The following WDR7 variants were observed in gnomAD, a reference collection of about 807,000 sequenced individuals.
WDR7 encodes the protein WD repeat-containing protein 7.
WDR7 carries 46 observed loss-of-function variants against 169.4 expected under a neutral mutation model. The ratio of observed to expected loss-of-function variants is 0.27; its 90% CI spans 0.21 to 0.35. The LOEUF (loss-of-function observed/expected upper bound fraction) is 0.35, where lower values mean the gene tolerates loss of function less well. WDR7 is among the 10% of genes least tolerant of loss of function. The pLI is 1.00. For missense variants in WDR7, 1,534 were observed against 1,859.3 expected, an observed-to-expected ratio of 0.83 and a Z score of 3.22; for synonymous variants, 612 against 666.8, an observed-to-expected ratio of 0.92 and a Z score of 1.27.
At chr18:56,711,797 G>A (rs2026091682) in intron 12 of WDR7, among the ~76,000 whole-genome samples, 1 of 151,872 alleles carries the variant, frequency 6.6e-6, no homozygotes, top group Non-Finnish European at 1.5e-5. Context: ...TTCATAGGCT[G>A]TTTTTTCCCC....
At chr18:56,879,766 G>C (rs746603878) in intron 20 of WDR7, among the ~76,000 whole-genome samples, 178 bp from the exon 21 acceptor site, 4 of 151,558 alleles carry the variant, frequency 2.6e-5, no homozygotes, top group Admixed American at 6.6e-5. Flanking sequence ...TTTTTTGGAA[G>C]GTTAGAGATA....
intron 26 of WDR7, among the ~76,000 whole-genome samples, chr18:56,972,778 A>G (rs1338726785): frequency 2.0e-5 from 3 of 152,192 alleles, no homozygotes; most frequent in African/African-American, 7.2e-5. Context: ...AATAGTTTTA[A>G]CTGACCGTGT....
intron 21 of WDR7, among the ~76,000 whole-genome samples, chr18:56,886,426 A>G (rs1382543628): frequency 6.6e-6 from 1 of 152,230 alleles, no homozygotes; most frequent in African/African-American, 2.4e-5. Flanking sequence ...TCAGACAAAC[A>G]AATGCTAAGA....
intron 26 of WDR7, among the ~76,000 whole-genome samples, chr18:57,000,589 A>G (rs1180518061): frequency 6.6e-6 from 1 of 152,190 alleles, no homozygotes; most frequent in Non-Finnish European, 1.5e-5. Context: ...AAGCTCAAAC[A>G]GCACTATTTA....
chr18:56,931,452 A>G (rs1021715154), intron 22 of WDR7, among the ~76,000 whole-genome samples: 4 of 152,248 alleles, frequency 2.6e-5, no homozygotes, highest in Admixed American at 2.6e-4. Context: ...ATTCAGTCCA[A>G]TAGCTAGCTT....
chr18:56,735,832 T>C (rs540236306), intron 14 of WDR7, among the ~76,000 whole-genome samples: 1 of 152,278 alleles, frequency 6.6e-6, no homozygotes, highest in South Asian at 2.1e-4. Context: ...ATAAAACTAT[T>C]TACAGAAGCA....
chr18:56,658,625 C>CT (rs1219153794), intron 1 of WDR7, among the ~76,000 whole-genome samples: 1 of 152,176 alleles, frequency 6.6e-6, no homozygotes, highest in Non-Finnish European at 1.5e-5. Flanking sequence ...AAAGGCTCTT[C>CT]TTTTTTCTAA....
intron 19 of WDR7, among the ~76,000 whole-genome samples, chr18:56,804,417 C>T (rs1164314942): frequency 2.6e-5 from 4 of 152,154 alleles, no homozygotes; most frequent in East Asian, 1.9e-4. Flanking sequence ...ATAGTTTCTA[C>T]GTTTTTATAG....
intron 19 of WDR7, among the ~76,000 whole-genome samples, chr18:56,807,147 CAAAAAA>C (rs566956902): frequency 4.8e-5 from 4 of 84,196 alleles, no homozygotes; most frequent in South Asian, 5.1e-4. Context: ...TGATCCTAGC[CAAAAAA>C]AAAAAAAAAA....
intron 20 of WDR7, among the ~76,000 whole-genome samples, chr18:56,878,803 A>G (rs914154234): frequency 9.2e-5 from 14 of 152,210 alleles, no homozygotes; most frequent in Admixed American, 2.0e-4. Context: ...TATAAATGGA[A>G]TCATACAATA....
At chr18:56,967,667 G>A (rs536828822) in intron 26 of WDR7, among the ~76,000 whole-genome samples, 3 of 151,386 alleles carry the variant, frequency 2.0e-5, no homozygotes, top group Non-Finnish European at 2.9e-5. Flanking sequence ...TCTTAGGCTC[G>A]TGTTAACTAG....
At chr18:56,691,962 A>G in intron 9 of WDR7, 145 bp downstream of exon 9, 1 of 548,642 alleles carries the variant, frequency 1.8e-6, no homozygotes. Flanking sequence ...ATGGTCAGTT[A>G]TAAGGACATT....
rs527779764 is a variant in WDR7, at chr18:56,703,805, G to GT, written c.1578+7354dup. 8.0e-3 allele frequency among the ~76,000 whole-genome samples: 1,170 copies of GT among 145,896 alleles called. 8 individuals carry two copies. The highest frequency in any genetic ancestry group is 0.038 in the East Asian group (195 of 5,078). ...GGACATTTTAGAATGTTGCTTTAAA[G>GT]TTTTTTTTTTTGCCTGTTATCAACG... On this transcript the variant is annotated intron_variant, in intron 12 of 27. Transcript: ENST00000254442.
intron 20 of WDR7, among the ~76,000 whole-genome samples, chr18:56,850,416 A>G (rs1161025570): frequency 6.6e-6 from 1 of 152,176 alleles, no homozygotes; most frequent in Non-Finnish European, 1.5e-5. Flanking sequence ...GAATAAATTG[A>G]TATTCCAGTT....
At chr18:56,886,882 G>A (rs927730725) in intron 21 of WDR7, among the ~76,000 whole-genome samples, 2 of 152,068 alleles carry the variant, frequency 1.3e-5, no homozygotes, top group African/African-American at 2.4e-5. Context: ...GACAAAGAGG[G>A]ACATTATCTA....
At chr18:56,742,789 G>T (rs2043640287) in intron 14 of WDR7, among the ~76,000 whole-genome samples, 4 of 152,174 alleles carry the variant, frequency 2.6e-5, no homozygotes, top group Admixed American at 2.6e-4. Context: ...ATGGGTTGCA[G>T]TGTGTTCTGG....
chr18:56,807,401 G>A (rs149465343), intron 19 of WDR7, among the ~76,000 whole-genome samples: 1 of 152,120 alleles, frequency 6.6e-6, no homozygotes, highest in East Asian at 1.9e-4. Flanking sequence ...ACCAAAATTG[G>A]TGTTGTCAGC....
At chr18:56,696,847 A>G (rs1316874670) in intron 12 of WDR7, among the ~76,000 whole-genome samples, 1 of 152,220 alleles carries the variant, frequency 6.6e-6, no homozygotes, top group Non-Finnish European at 1.5e-5. Context: ...CAATGAATAT[A>G]TATGTTGGTA....
intron 26 of WDR7, among the ~76,000 whole-genome samples, chr18:56,965,819 T>C (rs1288597205): frequency 3.9e-5 from 6 of 152,078 alleles, no homozygotes; most frequent in African/African-American, 1.4e-4. Flanking sequence ...TAGTATAATA[T>C]AGAGGATAAG....
Sources: gnomAD v4.1 joint callset for allele counts (sites outside exome capture counted in the v4.1 genomes callset) on GRCh38, gnomAD v4.1.1 for gene constraint, MANE v1.5 for transcripts, NCBI Gene and HGNC (gene_info 2026-07-23, HGNC 2026-07-21) for gene names.